The following CCDC82 variants were observed in gnomAD, a reference collection of about 807,000 sequenced individuals.
CCDC82 encodes coiled-coil domain-containing protein 82.
In CCDC82, 47 loss-of-function variants were observed where a neutral mutation model predicts 60.6. That is an observed-to-expected ratio of 0.77 (90% CI 0.61 to 0.99). The LOEUF (loss-of-function observed/expected upper bound fraction) is 0.99. Among genes scored for constraint, CCDC82 ranks in the 50% least tolerant of loss-of-function variants. The probability of loss-of-function intolerance (pLI) is 0.00; values close to 1 mark genes in which losing one functional copy is unlikely to be tolerated. For synonymous variants in CCDC82, 212 were observed against 207.4 expected (o/e 1.02, Z -0.19); for missense variants, 588 against 633.0 (o/e 0.93, Z 0.76).
chr11:96,361,851 T>C (rs1864678187), intron 8 of CCDC82, among the ~76,000 whole-genome samples: 1 of 152,222 alleles, frequency 6.6e-6, no homozygotes, highest in Non-Finnish European at 1.5e-5. Flanking sequence ...AGGAAACTAT[T>C]CTAACAAGAA....
In CCDC82 at chr11:96,353,644, T is replaced by C; in HGVS notation, c.*2A>G. On this transcript the variant is annotated 3_prime_UTR_variant, in exon 10 of 10. Transcript: ENST00000646818. The stretch of plus-strand genomic sequence containing the variant: ...TAAAAAATCTTCTCTGATGGAAATG[T>C]GTTACAACTCAAACTTCTCTTCTTG... 6.2e-7 allele frequency: 1 copy of C among 1,601,376 alleles called. No homozygotes were observed. The highest frequency in any genetic ancestry group is 8.5e-7 in the Non-Finnish European group (1 of 1,170,302).
intron 5 of CCDC82, among the ~76,000 whole-genome samples, chr11:96,380,066 A>G (rs938241486): frequency 1.3e-5 from 2 of 151,840 alleles, no homozygotes; most frequent in African/African-American, 4.8e-5. Flanking sequence ...CAATGGTAGT[A>G]AAGTACATGA....
In CCDC82 at chr11:96,373,517, C is replaced by G. The variant is rs762176770; in HGVS notation, c.992-50G>C. ...TAGAACAGAGCAGACAAAATAATTT[C>G]TTGAATACAATAGGTTCCATTCTCC... On this transcript the variant is annotated intron_variant, in intron 5 of 9. Transcript: ENST00000646818. 4.5e-6 allele frequency: 5 copies of G among 1,116,842 alleles called. No homozygotes were observed. In the Admixed American group the frequency reaches 9.9e-5, roughly 22 times the overall value. 69.2% of individuals were successfully genotyped at this position (1,116,842 alleles called of 1,614,324 possible).
chr11:96,372,746 G>GTA (rs1042816375), intron 6 of CCDC82, among the ~76,000 whole-genome samples: 4 of 137,784 alleles, frequency 2.9e-5, no homozygotes, highest in Non-Finnish European at 6.2e-5. Context: ...ATAAATATAC[G>GTA]TATATTTATA....
chr11:96,355,659 C>T (rs1356062110), intron 9 of CCDC82: 1 of 151,848 alleles, frequency 6.6e-6, no homozygotes, highest in Non-Finnish European at 1.5e-5. Flanking sequence ...TTAGAGTATG[C>T]TGTTTCTGAG....
At chr11:96,361,916 G>A (rs1399846014) in intron 8 of CCDC82, among the ~76,000 whole-genome samples, 1 of 152,142 alleles carries the variant, frequency 6.6e-6, no homozygotes, top group East Asian at 1.9e-4. Context: ...TGTTCACAAA[G>A]CAAATAAAGA....
At chr11:96,357,423 C>A (rs1864403734) in intron 9 of CCDC82, 2 of 985,162 alleles carry the variant, frequency 2.0e-6, no homozygotes, top group Non-Finnish European at 2.4e-6. Context: ...TGACACTTGG[C>A]TTTCTTGAAA....
At chr11:96,378,636 C>T (rs1865712367) in intron 5 of CCDC82, among the ~76,000 whole-genome samples, 1 of 151,892 alleles carries the variant, frequency 6.6e-6, no homozygotes, top group Non-Finnish European at 1.5e-5. Flanking sequence ...ATCTCTACTC[C>T]TTGATTCTGT....
Position 96,364,909 on chromosome 11 carries a change from G to A in CCDC82, c.1380+71C>T, listed in dbSNP as rs1005205388. 11 of 1,411,914 alleles carry A rather than the reference G, an allele frequency of 7.8e-6. No individual in the cohort carries two copies. In the Admixed American group the frequency reaches 2.6e-4, roughly 33 times the overall value. The allele number at this position is 1,411,914 out of a possible 1,614,324, so 87.5% of individuals were successfully genotyped here. On this transcript the variant is annotated intron_variant, in intron 8 of 9. Coordinates refer to ENST00000646818, the MANE Select transcript of CCDC82 (RefSeq NM_024725.4). Reference sequence around the variant, plus strand: ...TTCCACTTGGGTCAAATTTTCCTTAGGATACTTAGGATTATTTATGAAATA... The same window carrying A: ...TTCCACTTGGGTCAAATTTTCCTTAAGATACTTAGGATTATTTATGAAATA...
At chr11:96,364,496 A>G (rs1163877541) in intron 8 of CCDC82, 1 of 152,180 alleles carries the variant, frequency 6.6e-6, no homozygotes, top group Non-Finnish European at 1.5e-5. Flanking sequence ...CTCTCTAAAT[A>G]TACACCTCCT....
chr11:96,358,247 T>A (rs1415780663), intron 9 of CCDC82: 8 of 1,059,790 alleles, frequency 7.5e-6, no homozygotes, highest in Non-Finnish European at 9.1e-6. Flanking sequence ...CTCTTATACA[T>A]TCATGTAACT....
Position 96,383,560 on chromosome 11 carries a change from C to CA in CCDC82, c.787-88dup, listed in dbSNP as rs199829328. The CA allele has an allele frequency of 4.1e-4, 332 of 817,130 alleles. 1 individual carries two copies. The African/African-American group carries it at 5.1e-3, about 13-fold the overall frequency. The allele number at this position is 817,130 out of a possible 1,614,324, so 50.6% of individuals were successfully genotyped here. On this transcript the variant is annotated intron_variant, in intron 4 of 9. Transcript: ENST00000646818. ...AAAATTAAAACATTAAATCTGACAGCAAAAAAATGATCCATAGTAATTAAC... is the reference window on the plus strand; with the variant it reads ...AAAATTAAAACATTAAATCTGACAGCAAAAAAAATGATCCATAGTAATTAAC...
In CCDC82 at chr11:96,384,710, G is replaced by A; in HGVS notation, c.38C>T (p.Ser13Phe). 6.2e-7 allele frequency: 1 copy of A among 1,608,994 alleles called. No individual in the cohort carries two copies. Among genetic ancestry groups the A allele is most frequent in the Non-Finnish European group, 8.5e-7 (1 of 1,178,400 alleles). Residue 13 changes from serine to phenylalanine, a missense_variant, in exon 4 of 10, where the codon TCT becomes TTT. Transcript: ENST00000646818. The stretch of plus-strand genomic sequence containing the variant: ...TTTCTGCTCAGGCACGTGACTCTTA[G>A]AATTTCTCCTTGTTTCATGTCTTCT... Reference protein sequence around the residue: ...HVRRHETRRNSKSHVPEQKSR... With the variant: ...HVRRHETRRNFKSHVPEQKSR...
Position 96,373,451 on chromosome 11 carries a change from G to C in CCDC82, c.1008C>G (p.His336Gln), listed in dbSNP as rs1269733425. 1 of 1,596,562 alleles carries C rather than the reference G, an allele frequency of 6.3e-7. No homozygotes were observed. The highest frequency in any genetic ancestry group is 8.6e-7 in the Non-Finnish European group (1 of 1,168,756). ...TCACAACTCTTTCAAAATGAGTATA[G>C]TGGTCACTAAAAGAATCTGAAATTA... ...KQNSLYSFSD[H>Q]YTHFERVVKA... Residue 336 changes from histidine to glutamine, a missense_variant, in exon 6 of 10, where the codon CAC (histidine) becomes CAG (glutamine). His to Gln is a conservative substitution (Grantham distance 24). Coordinates refer to ENST00000646818, the MANE Select transcript of CCDC82 (RefSeq NM_024725.4).
rs1028351685 is a variant in CCDC82, at chr11:96,357,086, A to G, written c.1566+1907T>C. 1.4e-5 allele frequency: 14 copies of G among 985,362 alleles called. No homozygotes were observed. In the African/African-American group the frequency reaches 1.6e-4, roughly 11 times the overall value. The allele number at this position is 985,362 out of a possible 1,614,324, so 61.0% of individuals were successfully genotyped here. On this transcript the variant is annotated intron_variant, in intron 9 of 9. Transcript: ENST00000646818. ...TGTAGCTAAAGGCAGCACACATCACAAAGTACATGCAGTGCTATCACTCAA... is the reference window on the plus strand; with the variant it reads ...TGTAGCTAAAGGCAGCACACATCACGAAGTACATGCAGTGCTATCACTCAA...
chr11:96,378,846 G>A (rs1057263699), intron 5 of CCDC82, among the ~76,000 whole-genome samples: 3 of 151,878 alleles, frequency 2.0e-5, no homozygotes, highest in African/African-American at 7.2e-5. Flanking sequence ...AATATAAAGA[G>A]ACACTAATAG....
intron 5 of CCDC82, among the ~76,000 whole-genome samples, chr11:96,379,025 C>G (rs749693462): frequency 1.3e-5 from 2 of 151,946 alleles, no homozygotes; most frequent in Non-Finnish European, 2.9e-5. Context: ...CGATTGTCAA[C>G]TGAAATACTG....
chr11:96,367,905 C>G (rs1036119551), intron 7 of CCDC82, among the ~76,000 whole-genome samples: 2 of 150,100 alleles, frequency 1.3e-5, no homozygotes, highest in African/African-American at 2.5e-5. Context: ...ACTGCAACCT[C>G]TGCCTCCCAG....
intron 8 of CCDC82, among the ~76,000 whole-genome samples, chr11:96,360,769 T>G (rs1445252480): frequency 6.6e-6 from 1 of 152,180 alleles, no homozygotes; most frequent in African/African-American, 2.4e-5. Flanking sequence ...AACATACAAG[T>G]GATGATAGAC....
Sources: gnomAD v4.1 joint callset for allele counts (sites outside exome capture counted in the v4.1 genomes callset) on GRCh38, gnomAD v4.1.1 for gene constraint, MANE v1.5 for transcripts, NCBI Gene and HGNC (gene_info 2026-07-23, HGNC 2026-07-21) for gene names.